VPS13A: variants seen among roughly 807,000 people sequenced by gnomAD.
The protein encoded by VPS13A is intermembrane lipid transfer protein VPS13A.
Under a neutral mutation model 390.9 loss-of-function variants are expected in VPS13A, and 264 were observed. The observed-to-expected ratio is 0.68, with a 90% CI of 0.61 to 0.75. The LOEUF (loss-of-function observed/expected upper bound fraction) is 0.75. VPS13A is among the 30% of genes least tolerant of loss of function. The pLI is 0.00. For missense variants in VPS13A, 3,409 were observed against 3,733.9 expected (o/e 0.91, Z 2.27); for synonymous variants, 1,231 against 1,227.1 (o/e 1.00, Z -0.07).
intron 26 of VPS13A, among the ~76,000 whole-genome samples, chr9:77,277,949 T>C (rs891263162): frequency 1.3e-5 from 2 of 152,196 alleles, no homozygotes; most frequent in African/African-American, 4.8e-5. Context: ...ACATGATTGC[T>C]AAATCATCAA....
chr9:77,303,550 C>G (rs914483249), intron 34 of VPS13A, among the ~76,000 whole-genome samples: 1 of 152,118 alleles, frequency 6.6e-6, no homozygotes, highest in African/African-American at 2.4e-5. Context: ...GACCAGCACT[C>G]AGCACACCAA....
chr9:77,365,006 A>G (rs1480338153), intron 59 of VPS13A, among the ~76,000 whole-genome samples: 2 of 152,242 alleles, frequency 1.3e-5, no homozygotes. Context: ...ATGAATATCA[A>G]GAATGAAACC....
At chr9:77,222,312 AAAT>A (rs1432834598) in intron 13 of VPS13A, among the ~76,000 whole-genome samples, 1 of 152,130 alleles carries the variant, frequency 6.6e-6, no homozygotes, top group Admixed American at 6.6e-5. Flanking sequence ...AGTTATTCTG[AAAT>A]AATAATGGGT....
chr9:77,381,166 C>T (rs533184103), intron 67 of VPS13A, among the ~76,000 whole-genome samples: 47 of 152,236 alleles, frequency 3.1e-4, no homozygotes, highest in African/African-American at 9.9e-4. Context: ...TGTTTTTAGA[C>T]AGGGTCTCAC....
chr9:77,220,139 A>G, intron 11 of VPS13A, 58 bp downstream of exon 11: 2 of 1,550,282 alleles, frequency 1.3e-6, no homozygotes, highest in Non-Finnish European at 1.8e-6. Context: ...AAGCAAAACT[A>G]AGATTTTAAA....
chr9:77,357,316 C>CAAAAAAAAAAA (rs1156801817), intron 55 of VPS13A, among the ~76,000 whole-genome samples: 1 of 44,604 alleles, frequency 2.2e-5, no homozygotes, highest in African/African-American at 1.1e-4. Flanking sequence ...GACTCTGTCT[C>CAAAAAAAAAAA]AAAAAAAAAA....
At chr9:77,373,681 C>CTT in intron 67 of VPS13A, among the ~76,000 whole-genome samples, 1 of 151,492 alleles carries the variant, frequency 6.6e-6, no homozygotes, top group East Asian at 1.9e-4. Flanking sequence ...AAAGAAACTA[C>CTT]CATCAGAGTG....
intron 19 of VPS13A, among the ~76,000 whole-genome samples, chr9:77,239,702 T>C (rs1386819299): frequency 1.3e-5 from 2 of 151,978 alleles, no homozygotes; most frequent in Non-Finnish European, 2.9e-5. Context: ...ATATCTACTT[T>C]TTGCATTTAA....
At chr9:77,348,624 A>G (rs1029446455) in intron 52 of VPS13A, among the ~76,000 whole-genome samples, 3 of 143,812 alleles carry the variant, frequency 2.1e-5, no homozygotes, top group South Asian at 2.1e-4. Context: ...TAAATTTAGG[A>G]AAAAAAAAAA....
intron 13 of VPS13A, among the ~76,000 whole-genome samples, chr9:77,225,618 T>C (rs1468079895): frequency 6.6e-6 from 1 of 152,172 alleles, no homozygotes; most frequent in Non-Finnish European, 1.5e-5. Flanking sequence ...CCAAATAAAA[T>C]CATTTTAAAC....
chr9:77,365,858 T>G (rs1012444711), intron 60 of VPS13A, among the ~76,000 whole-genome samples: 4 of 152,120 alleles, frequency 2.6e-5, no homozygotes, highest in African/African-American at 9.6e-5. Context: ...ATATGATGAT[T>G]TGTGTATTAG....
intron 4 of VPS13A, 73 bp from the exon 5 acceptor site, chr9:77,205,905 G>A (rs1825613454): frequency 8.3e-7 from 1 of 1,205,424 alleles, no homozygotes. Context: ...ATGATTATTT[G>A]TAAGGATTTT....
At chr9:77,306,045 CTTA>C (rs150916776) in intron 34 of VPS13A, among the ~76,000 whole-genome samples, 8,728 of 152,146 alleles carry the variant, frequency 0.057, 365 homozygotes, top group South Asian at 0.12. Flanking sequence ...TTATTTTCAT[CTTA>C]TTATATGAAC....
intron 23 of VPS13A, among the ~76,000 whole-genome samples, chr9:77,270,441 G>A (rs764233143): frequency 1.4e-4 from 21 of 152,280 alleles, no homozygotes; most frequent in Non-Finnish European, 2.1e-4. Flanking sequence ...TGAAGGCATC[G>A]TCTTATTTCT....
intron 39 of VPS13A, 39 bp downstream of exon 39, chr9:77,316,445 T>G: frequency 6.4e-7 from 1 of 1,570,244 alleles, no homozygotes; most frequent in Non-Finnish European, 8.8e-7. Context: ...ATTGTAACTA[T>G]TTTGGATGTA....
intron 17 of VPS13A, among the ~76,000 whole-genome samples, chr9:77,230,970 T>C (rs1396063864): frequency 2.0e-5 from 3 of 152,170 alleles, no homozygotes; most frequent in Non-Finnish European, 4.4e-5. Context: ...AGGTTAAATT[T>C]ATTTGCAAGT....
chr9:77,349,391 T>A (rs547401914), intron 52 of VPS13A, among the ~76,000 whole-genome samples: 1 of 152,268 alleles, frequency 6.6e-6, no homozygotes, highest in Non-Finnish European at 1.5e-5. Flanking sequence ...GTATACAGAT[T>A]GTTTCATTAC....
rs1016887246 is a variant in VPS13A, at chr9:77,335,448, A to G, written c.6096-1807A>G. The stretch of plus-strand genomic sequence containing the variant: ...CTGCAGAATGGGGAGAAATTTTTGC[A>G]GTCTATCCATCTGACAAAGGACTAA... On this transcript the variant is annotated intron_variant, in intron 46 of 71. Transcript: ENST00000360280. Among the ~76,000 whole-genome samples, 5 of 152,184 alleles carry G rather than the reference A, an allele frequency of 3.3e-5. No homozygotes were observed. In the South Asian group the frequency reaches 6.2e-4, roughly 19 times the overall value.
chr9:77,293,239 G>A (rs1035260809), intron 31 of VPS13A, 102 bp from the exon 32 acceptor site: 35 of 1,097,924 alleles, frequency 3.2e-5, no homozygotes, highest in Non-Finnish European at 4.2e-5. Context: ...ATACTTGGGA[G>A]ATTTTCTAAC....
Sources: allele counts gnomAD v4.1 joint callset (sites outside exome capture counted in the v4.1 genomes callset), GRCh38; gene constraint gnomAD v4.1.1; transcripts MANE v1.5; gene names NCBI Gene and HGNC (gene_info 2026-07-23, HGNC 2026-07-21).